SDHAF4: variants seen among roughly 807,000 people sequenced by gnomAD.
SDHAF4 encodes the protein succinate dehydrogenase complex assembly factor 4.
SDHAF4 carries 14 observed loss-of-function variants against 14.3 expected under a neutral mutation model. The observed-to-expected ratio is 0.98, with a 90% CI of 0.65 to 1.53. The LOEUF (loss-of-function observed/expected upper bound fraction) is 1.53. SDHAF4 is among the 40% of genes most tolerant of loss of function. The probability of loss-of-function intolerance (pLI) is 0.00; values close to 1 mark genes in which losing one functional copy is unlikely to be tolerated. For missense variants in SDHAF4, 141 were observed against 129.3 expected (o/e 1.09, Z -0.44); for synonymous variants, 63 against 47.3 (o/e 1.33, Z -1.36).
chr6:70,567,236 C>T (rs1446202792), intron 1 of SDHAF4, among the ~76,000 whole-genome samples: 4 of 152,164 alleles, frequency 2.6e-5, no homozygotes, highest in Admixed American at 2.0e-4. Flanking sequence ...TTTCAGCCCC[C>T]GGGACGTCCG....
chr6:70,568,508 G>A (rs1802133525), intron 1 of SDHAF4, among the ~76,000 whole-genome samples: 1 of 152,140 alleles, frequency 6.6e-6, no homozygotes, highest in Admixed American at 6.5e-5. Flanking sequence ...ATAACGCTGT[G>A]TTTTGTGATT....
chr6:70,580,082 GTATAT>G (rs933242352), intron 2 of SDHAF4, among the ~76,000 whole-genome samples: 4 of 151,918 alleles, frequency 2.6e-5, no homozygotes, highest in Non-Finnish European at 4.4e-5. Flanking sequence ...AAATATATGT[GTATAT>G]TATATGTATG....
the SDHAF4 span, chr6:70,596,765 G>A: frequency 6.6e-6 from 1 of 152,140 alleles, no homozygotes; most frequent in Non-Finnish European, 1.5e-5. Flanking sequence ...CCCAGTTGCT[G>A]AGATCTACAA....
At chr6:70,590,385 T>A (rs1426277998), downstream of SDHAF4, among the ~76,000 whole-genome samples, 1 of 152,246 alleles carries the variant, frequency 6.6e-6, no homozygotes, top group African/African-American at 2.4e-5. Flanking sequence ...TCATGAAGAT[T>A]CCTGGAAAAA....
At chr6:70,591,074 G>A (rs180910567), downstream of SDHAF4, among the ~76,000 whole-genome samples, 3 of 152,168 alleles carry the variant, frequency 2.0e-5, no homozygotes, top group East Asian at 3.9e-4. Flanking sequence ...GATAATGCCC[G>A]AATACATTGG....
At position 70,588,842 on chromosome 6, in the gene SDHAF4, A is replaced by ATATATATAT; in HGVS notation, c.*118_*119insTATATATAT. On this transcript the variant is annotated 3_prime_UTR_variant, in exon 3 of 3. Coordinates refer to ENST00000370474, the MANE Select transcript of SDHAF4 (RefSeq NM_145267.3). ...TCGTGTAGTTTGTATAATGTGTTTA[A>ATATATATAT]ATATATATATATATGATGGCTTTGG... The ATATATATAT allele has an allele frequency of 5.9e-6, 2 of 339,210 alleles. No homozygotes were observed. 21.0% of individuals were successfully genotyped at this position (339,210 alleles called of 1,614,324 possible). A position where few individuals can be genotyped will look rare whatever the true frequency, so the allele number is the denominator to read the frequency against.
chr6:70,588,098 C>A (rs2128536397), intron 2 of SDHAF4, among the ~76,000 whole-genome samples: 1 of 152,318 alleles, frequency 6.6e-6, no homozygotes, highest in South Asian at 2.1e-4. Flanking sequence ...CAAGACCTTT[C>A]AAGTCTTATG....
At chr6:70,573,326 C>G (rs1802209795) in intron 1 of SDHAF4, among the ~76,000 whole-genome samples, 2 of 135,330 alleles carry the variant, frequency 1.5e-5, no homozygotes, top group East Asian at 4.2e-4. Flanking sequence ...TGCAGTGGCA[C>G]AGTCTTGGCT....
intron 2 of SDHAF4, among the ~76,000 whole-genome samples, chr6:70,588,035 G>A (rs1030937781): frequency 6.6e-6 from 1 of 152,158 alleles, no homozygotes; most frequent in African/African-American, 2.4e-5. Flanking sequence ...CATTTTACTG[G>A]TCAGAAAACT....
chr6:70,589,497 C>T lies in SDHAF4; in HGVS notation c.*773C>T, dbSNP rs1417800171. 2 of 152,172 alleles carry T rather than the reference C, an allele frequency of 1.3e-5. No individual in the cohort carries two copies. The highest frequency in any genetic ancestry group is 6.5e-5 in the Admixed American group (1 of 15,274). 9.4% of individuals were successfully genotyped at this position (152,172 alleles called of 1,614,324 possible). Reference sequence around the variant, plus strand: ...TGATTCTTAGAGCTGTAGGCCTTTACTTCATCATTTTTCAGTTTAAATTAA... The same window carrying T: ...TGATTCTTAGAGCTGTAGGCCTTTATTTCATCATTTTTCAGTTTAAATTAA... On this transcript the variant is annotated 3_prime_UTR_variant, in exon 3 of 3. Transcript: ENST00000370474.
At chr6:70,567,387 T>A (rs770013395) in intron 1 of SDHAF4, 7 of 213,036 alleles carry the variant, frequency 3.3e-5, no homozygotes, top group Non-Finnish European at 6.5e-5. Context: ...GTCATTGATT[T>A]ACTTATTTAT....
At chr6:70,569,617 A>T (rs1366880742) in intron 1 of SDHAF4, among the ~76,000 whole-genome samples, 1 of 152,188 alleles carries the variant, frequency 6.6e-6, no homozygotes, top group Admixed American at 6.5e-5. Flanking sequence ...TTAGTTACGT[A>T]AGTGTCAAAT....
intron 1 of SDHAF4, among the ~76,000 whole-genome samples, chr6:70,571,529 G>A (rs1450384430): frequency 6.6e-6 from 1 of 152,130 alleles, no homozygotes; most frequent in African/African-American, 2.4e-5. Flanking sequence ...TGGCCAGGCT[G>A]ATCTCAAACT....
rs763403330 is a variant in SDHAF4 at position 70,566,971 on chromosome 6, A to C, written c.31A>C (p.Ser11Arg). 3 of 1,593,138 alleles carry C rather than the reference A, an allele frequency of 1.9e-6. No homozygotes were observed. Among genetic ancestry groups the C allele is most frequent in the Non-Finnish European group, 2.6e-6 (3 of 1,170,112 alleles). ...CCCATCGAGGCTTCCCTGGTTGCTTAGCTGGGTCTCGGCCACGGCGTGGAG... is the reference window on the plus strand; with the variant it reads ...CCCATCGAGGCTTCCCTGGTTGCTTCGCTGGGTCTCGGCCACGGCGTGGAG... MTPSRLPWLLSWVSATAWRAA... is the reference protein window; with the variant it reads MTPSRLPWLLRWVSATAWRAA... The change falls in exon 1 of 3, where the codon AGC becomes CGC. Residue 11 changes from serine to arginine, a missense_variant. Physicochemically the swap from Ser to Arg is moderately radical, Grantham distance 110 (BLOSUM62 -1). Transcript: ENST00000370474.
downstream of SDHAF4, among the ~76,000 whole-genome samples, chr6:70,593,858 AT>A (rs201288538): frequency 0.016 from 2,429 of 151,710 alleles, 62 homozygotes; most frequent in African/African-American, 0.056. Flanking sequence ...TGCCTGGCTA[AT>A]TTTTTTTGTA....
chr6:70,567,712 G>T (rs1435758593), intron 1 of SDHAF4: 2 of 151,988 alleles, frequency 1.3e-5, no homozygotes, highest in Non-Finnish European at 2.9e-5. Context: ...TTGAGATGGA[G>T]TCTCGCTCTG....
intron 1 of SDHAF4, among the ~76,000 whole-genome samples, chr6:70,572,972 A>C (rs73480280): frequency 0.17 from 25,740 of 151,938 alleles, 2,269 homozygotes; most frequent in Middle Eastern, 0.22. Flanking sequence ...TACTTCTGGG[A>C]ACACTTTTTT....
intron 1 of SDHAF4, among the ~76,000 whole-genome samples, chr6:70,577,888 C>G (rs1311451716): frequency 3.3e-5 from 5 of 152,164 alleles, no homozygotes; most frequent in Middle Eastern, 3.2e-3. Flanking sequence ...CATGTTGCAG[C>G]AAAGGACATG....
At chr6:70,588,325 T>G (rs3763251) in intron 2 of SDHAF4, among the ~76,000 whole-genome samples, 62,729 of 151,950 alleles carry the variant, frequency 0.41, 13,717 homozygotes, top group African/African-American at 0.54. Flanking sequence ...GTTTGAGCCA[T>G]CCTGGCCAAC....
Sources: allele counts gnomAD v4.1 joint callset (sites outside exome capture counted in the v4.1 genomes callset), GRCh38; gene constraint gnomAD v4.1.1; transcripts MANE v1.5; gene names NCBI Gene and HGNC (gene_info 2026-07-23, HGNC 2026-07-21).